GRK4: variants seen among roughly 807,000 people sequenced by gnomAD.
GRK4 encodes G protein-coupled receptor kinase 2-like.
A neutral mutation model predicts 77.9 loss-of-function variants in GRK4; 73 were observed. The ratio of observed to expected loss-of-function variants is 0.94; its 90% CI spans 0.78 to 1.14. The LOEUF (loss-of-function observed/expected upper bound fraction) is 1.14. Ranked by LOEUF, GRK4 falls within the 50% of genes most tolerant of loss-of-function variation. The pLI is 0.00. For missense variants in GRK4, 729 were observed against 700.2 expected (o/e 1.04, Z -0.46); for synonymous variants, 257 against 254.4 (o/e 1.01, Z -0.10).
At chr4:3,037,331 T>G (rs1560513230) in intron 13 of GRK4, 43 bp from the exon 14 acceptor site, 4 of 1,540,376 alleles carry the variant, frequency 2.6e-6, no homozygotes, top group Non-Finnish European at 3.5e-6. Flanking sequence ...AGCTGAGAAT[T>G]GCTGTAGTCA....
intron 1 of GRK4, chr4:2,965,449 C>T: frequency 1.4e-6 from 1 of 703,052 alleles, no homozygotes. Context: ...TTGCTGATTT[C>T]CTCTATTTCC....
At chr4:3,036,618 C>T (rs933732079) in intron 13 of GRK4, among the ~76,000 whole-genome samples, 1 of 152,214 alleles carries the variant, frequency 6.6e-6, no homozygotes, top group Non-Finnish European at 1.5e-5. Flanking sequence ...GAGACCCGGA[C>T]CTTGGCACTC....
chr4:3,010,531 G>A (rs1475268822), intron 7 of GRK4, among the ~76,000 whole-genome samples: 3 of 152,198 alleles, frequency 2.0e-5, no homozygotes, highest in African/African-American at 4.8e-5. Flanking sequence ...CTGGCCCGGG[G>A]TGTTGTTTAA....
At position 2,980,890 on chromosome 4, in the gene GRK4, C is replaced by T. The variant is rs566863773; in HGVS notation, c.53-3623C>T. ...CTTGTCTTTCACTACTGGTCCAGAT[C>T]CCATGCCTGCCAAGGGCAAGCCAGG... On this transcript the variant is annotated intron_variant, in intron 1 of 15. Transcript: ENST00000398052. Among the ~76,000 whole-genome samples the T allele has an allele frequency of 3.9e-5, 6 of 152,380 alleles. No homozygotes were observed. In the South Asian group the frequency reaches 1.2e-3, roughly 32 times the overall value.
intron 8 of GRK4, among the ~76,000 whole-genome samples, chr4:3,018,074 C>CTTTTT (rs1259774426): frequency 3.0e-5 from 4 of 131,754 alleles, no homozygotes; most frequent in African/African-American, 1.2e-4. Flanking sequence ...TTTTCTTTTT[C>CTTTTT]TTTTTTTTTT....
Position 3,022,592 on chromosome 4 carries a change from T to C in GRK4, c.970+141T>C. The C allele has an allele frequency of 4.1e-6, 3 of 738,168 alleles. No individual in the cohort carries two copies. The South Asian group carries it at 6.3e-5, about 15-fold the overall frequency. The allele number at this position is 738,168 out of a possible 1,614,324, so 45.7% of individuals were successfully genotyped here. On this transcript the variant is annotated intron_variant, in intron 10 of 15. Coordinates refer to ENST00000398052, the MANE Select transcript of GRK4 (RefSeq NM_182982.3). ...AAAAGAAAAACTCTGTGGTATGTGTTCATTTTAAAAAGATGAAATACTGAC... is the reference window on the plus strand; with the variant it reads ...AAAAGAAAAACTCTGTGGTATGTGTCCATTTTAAAAAGATGAAATACTGAC...
rs140030851 is a variant in GRK4, at chr4:2,989,499, C to T, written c.261+660C>T. Among the ~76,000 whole-genome samples, 524 of 152,202 alleles carry T rather than the reference C, an allele frequency of 3.4e-3. 2 individuals carry two copies. Among genetic ancestry groups the T allele is most frequent in the African/African-American group, 0.012 (486 of 41,530 alleles). ...CATGATCTTGGCTTACTGCAACCTC[C>T]GCCTCCTGGGTTCAAGCAATTCTTC... On this transcript the variant is annotated intron_variant, in intron 3 of 15. Transcript: ENST00000398052.
intron 1 of GRK4, among the ~76,000 whole-genome samples, chr4:2,981,976 C>A (rs367587846): frequency 4.3e-4 from 66 of 152,408 alleles, no homozygotes; most frequent in Middle Eastern, 6.8e-3. Context: ...CGTGCACACA[C>A]CTGGCTGGGT....
chr4:2,974,402 C>T (rs938824314), intron 1 of GRK4, among the ~76,000 whole-genome samples: 8 of 152,198 alleles, frequency 5.3e-5, no homozygotes, highest in African/African-American at 1.9e-4. Flanking sequence ...AGATCATGGG[C>T]TTTGGAGCCA....
At chr4:2,973,469 T>C (rs1379226053) in intron 1 of GRK4, among the ~76,000 whole-genome samples, 2 of 152,146 alleles carry the variant, frequency 1.3e-5, no homozygotes, top group Non-Finnish European at 2.9e-5. Flanking sequence ...CTGACATCGC[T>C]GTATGGAAGC....
At chr4:3,007,954 G>A in intron 6 of GRK4, 126 bp downstream of exon 6, 5 of 590,904 alleles carry the variant, frequency 8.5e-6, no homozygotes, top group Non-Finnish European at 1.2e-5. Context: ...AGTACGGGAT[G>A]ATCAAGCCTG....
At chr4:3,010,191 TCA>T (rs1234481745) in intron 7 of GRK4, among the ~76,000 whole-genome samples, 1 of 152,074 alleles carries the variant, frequency 6.6e-6, no homozygotes, top group African/African-American at 2.4e-5. Flanking sequence ...AGGAAATGAC[TCA>T]CAGACTCACG....
chr4:2,992,593 G>A (rs1212269849), intron 4 of GRK4, among the ~76,000 whole-genome samples: 3 of 152,034 alleles, frequency 2.0e-5, no homozygotes, highest in Non-Finnish European at 2.9e-5. Context: ...GAGGTGGGAG[G>A]ATCGCTTGAG....
chr4:3,007,740 G>A lies in GRK4; in HGVS notation c.448G>A (p.Ala150Thr), dbSNP rs1299421782. 3 of 1,581,032 alleles carry A rather than the reference G, an allele frequency of 1.9e-6. 1 individual carries two copies. The highest frequency in any genetic ancestry group is 3.7e-5 in the Admixed American group (2 of 53,546). Reference protein sequence around the residue: ...KKAFEECTRVAHNYLRGEPFE... With the variant: ...KKAFEECTRVTHNYLRGEPFE... ...TTTTAAAAAATCTTTTTCTAGAGTT[G>A]CCCATAACTACCTAAGAGGGGAACC... The change falls in exon 6 of 16, where the codon GCC becomes ACC. Residue 150 changes from alanine (A) to threonine (T), a missense_variant. Physicochemically the swap from Ala to Thr is moderately conservative, Grantham distance 58 (BLOSUM62 0). Transcript: ENST00000398052.
intron 10 of GRK4, 52 bp from the exon 11 acceptor site, chr4:3,027,860 C>A: frequency 6.9e-7 from 1 of 1,446,110 alleles, no homozygotes; most frequent in Non-Finnish European, 9.7e-7. Flanking sequence ...ATTGTTGTTA[C>A]GGTGTCATTA....
intron 2 of GRK4, among the ~76,000 whole-genome samples, chr4:2,986,004 A>G (rs1022099096): frequency 1.7e-4 from 26 of 151,174 alleles, no homozygotes; most frequent in Admixed American, 1.6e-3. Flanking sequence ...AAAAAAAAAA[A>G]GAAGTCAGAT....
chr4:3,022,447 T>C lies in GRK4; in HGVS notation c.966T>C (p.Asp322=). 6.2e-7 allele frequency: 1 copy of C among 1,614,030 alleles called. No individual in the cohort carries two copies. The highest frequency in any genetic ancestry group is 1.6e-4 in the Middle Eastern group (1 of 6,062). ...DLKPENILLD[D]RGHIRISDLG... is the part of the protein sequence containing the mutation. ...AGCCTGAGAATATTCTCCTTGATGA[T>C]CGTGGTAAGTGGGCAAGCCTTTCAC... The change falls in exon 10 of 16, where the codon GAT becomes GAC. Residue 322 remains aspartate, a synonymous_variant. Coordinates refer to ENST00000398052, the MANE Select transcript of GRK4 (RefSeq NM_182982.3).
At chr4:3,019,590 C>A (rs1039852556) in intron 8 of GRK4, 51 bp from the exon 9 acceptor site, 1 of 1,408,400 alleles carries the variant, frequency 7.1e-7, no homozygotes, top group Non-Finnish European at 9.8e-7. Context: ...GAGGAAATCA[C>A]CAATGAAAGA....
intron 9 of GRK4, among the ~76,000 whole-genome samples, chr4:3,020,843 G>A (rs1735883003): frequency 6.6e-6 from 1 of 152,142 alleles, no homozygotes; most frequent in South Asian, 2.1e-4. Context: ...GCTTGCGTCT[G>A]TATTGAACAT....
Sources: gnomAD v4.1 joint callset for allele counts (sites outside exome capture counted in the v4.1 genomes callset) on GRCh38, gnomAD v4.1.1 for gene constraint, MANE v1.5 for transcripts, NCBI Gene and HGNC (gene_info 2026-07-23, HGNC 2026-07-21) for gene names.